The following IQCH variants were observed in gnomAD, a reference collection of about 807,000 sequenced individuals.
The protein encoded by IQCH is IQ domain-containing protein H.
A neutral mutation model predicts 117.0 loss-of-function variants in IQCH; 98 were observed. The observed-to-expected ratio is 0.84, with a 90% CI of 0.71 to 0.99. The LOEUF (loss-of-function observed/expected upper bound fraction) is 0.99. Ranked by LOEUF, IQCH falls within the 50% of genes least tolerant of loss-of-function variation. IQCH has a pLI of 0.00. For missense variants in IQCH, 1,102 were observed against 1,243.8 expected, an observed-to-expected ratio of 0.89 and a Z score of 1.72; for synonymous variants, 412 against 448.2, an observed-to-expected ratio of 0.92 and a Z score of 1.02.
intron 4 of IQCH, among the ~76,000 whole-genome samples, chr15:67,300,346 A>T (rs991260012): frequency 6.6e-6 from 1 of 152,120 alleles, no homozygotes; most frequent in African/African-American, 2.4e-5. Flanking sequence ...ACCATACATT[A>T]GTCATTTGAA....
chr15:67,274,128 G>A (rs978638061), intron 3 of IQCH, among the ~76,000 whole-genome samples: 2 of 152,130 alleles, frequency 1.3e-5, no homozygotes, highest in Non-Finnish European at 2.9e-5. Context: ...AGTTTGATTA[G>A]TATATGTTGG....
At chr15:67,373,806 A>G (rs1444872131) in intron 10 of IQCH, 1 of 325,838 alleles carries the variant, frequency 3.1e-6, no homozygotes, top group Non-Finnish European at 5.7e-6. Context: ...CCAATAAGCC[A>G]GGATATTGCT....
Position 67,393,318 on chromosome 15 carries a change from C to T in IQCH, c.1633-1973C>T, listed in dbSNP as rs1188380083. Among the ~76,000 whole-genome samples the T allele has an allele frequency of 3.3e-5, 5 of 152,176 alleles. No individual in the cohort carries two copies. Among genetic ancestry groups the T allele is most frequent in the Non-Finnish European group, 2.9e-5 (2 of 68,034 alleles). Reference sequence around the variant, plus strand: ...TTCTCCCATACTCAGGAGTTATACTCTCCGACAATTTGCAAACTGGTGCAT... The same window carrying T: ...TTCTCCCATACTCAGGAGTTATACTTTCCGACAATTTGCAAACTGGTGCAT... On this transcript the variant is annotated intron_variant, in intron 12 of 20. Transcript: ENST00000335894. This position sits in a 1 kb window ranked among gnomAD's most constrained non-coding sequence, Gnocchi z 5.5.
chr15:67,435,533 A>G (rs149040565), intron 16 of IQCH, among the ~76,000 whole-genome samples: 2 of 152,156 alleles, frequency 1.3e-5, no homozygotes, highest in African/African-American at 4.8e-5. Context: ...GCAGTGAGCC[A>G]AGACTGCACC....
chr15:67,395,225 A>G lies in IQCH; in HGVS notation c.1633-66A>G, dbSNP rs1971422570. 1 of 1,482,690 alleles carries G rather than the reference A, an allele frequency of 6.7e-7. No homozygotes were observed. The highest frequency in any genetic ancestry group is 9.2e-7 in the Non-Finnish European group (1 of 1,090,616). The allele number at this position is 1,482,690 out of a possible 1,614,324, so 91.8% of individuals were successfully genotyped here. A position where few individuals can be genotyped will look rare whatever the true frequency, so the allele number is the denominator to read the frequency against. Reference sequence around the variant, plus strand: ...TAATGTATTTATTATGTGCAACATTATAAATTAGGTGTATGGACTAGAAAA... The same window carrying G: ...TAATGTATTTATTATGTGCAACATTGTAAATTAGGTGTATGGACTAGAAAA... On this transcript the variant is annotated intron_variant, in intron 12 of 20. Coordinates refer to ENST00000335894, the MANE Select transcript of IQCH (RefSeq NM_001031715.3). This position sits in a 1 kb window ranked among gnomAD's most constrained non-coding sequence, Gnocchi z 4.0.
intron 16 of IQCH, among the ~76,000 whole-genome samples, chr15:67,444,924 C>T (rs1290057309): frequency 6.6e-6 from 1 of 152,162 alleles, no homozygotes; most frequent in Non-Finnish European, 1.5e-5. Context: ...CAAGAAGTGA[C>T]ACAAAAGCCT....
chr15:67,301,773 CAT>C (rs1263295799), intron 4 of IQCH, among the ~76,000 whole-genome samples: 8 of 151,964 alleles, frequency 5.3e-5, no homozygotes, highest in African/African-American at 1.9e-4. Context: ...GCAATTAAAT[CAT>C]GTGTGCTACA....
At chr15:67,442,518 A>G (rs1162961050) in intron 16 of IQCH, among the ~76,000 whole-genome samples, 2 of 152,166 alleles carry the variant, frequency 1.3e-5, no homozygotes, top group Non-Finnish European at 1.5e-5. Flanking sequence ...TAATCAAAAA[A>G]TCAAAAAACA....
rs542928773 is a variant in IQCH, at chr15:67,344,126, C to T, written c.572C>T (p.Pro191Leu). Residue 191 changes from proline (P) to leucine (L), a missense_variant, in exon 6 of 21, where the codon CCA becomes CTA. Pro to Leu is a moderately conservative substitution (Grantham distance 98). Coordinates refer to ENST00000335894, the MANE Select transcript of IQCH (RefSeq NM_001031715.3). ...PPTARITFQN[P>L]PITPRAAPLH... Reference sequence around the variant, plus strand: ...ACAGCAAGGATTACCTTTCAGAATCCACCCATTACACCCAGAGCAGCTCCT... The same window carrying T: ...ACAGCAAGGATTACCTTTCAGAATCTACCCATTACACCCAGAGCAGCTCCT... The T allele has an allele frequency of 3.7e-6, 6 of 1,613,348 alleles. No individual in the cohort carries two copies. In the South Asian group the frequency reaches 5.5e-5, roughly 15 times the overall value.
At position 67,436,877 on chromosome 15, in the gene IQCH, C is replaced by G. The variant is rs571535829; in HGVS notation, c.2505+15300C>G. On this transcript the variant is annotated intron_variant, in intron 16 of 20. Coordinates refer to ENST00000335894, the MANE Select transcript of IQCH (RefSeq NM_001031715.3). This position sits in a 1 kb window ranked among gnomAD's most constrained non-coding sequence, Gnocchi z 5.1. ...TGACCTGGGAACCTCACCCTCATCC[C>G]CCACAACAGCTGCAGCAAGATCTGC... is the stretch of plus-strand genomic sequence containing the variant. 6.6e-5 allele frequency among the ~76,000 whole-genome samples: 10 copies of G among 152,232 alleles called. No individual in the cohort carries two copies. The East Asian group carries it at 1.9e-3, about 29-fold the overall frequency.
chr15:67,461,891 T>C (rs1252549693), intron 16 of IQCH, among the ~76,000 whole-genome samples: 1 of 152,202 alleles, frequency 6.6e-6, no homozygotes, highest in African/African-American at 2.4e-5. Context: ...ATAGCTAACA[T>C]AGACAACGGA....
intron 16 of IQCH, among the ~76,000 whole-genome samples, chr15:67,435,931 C>T (rs1278889564): frequency 6.6e-6 from 1 of 151,634 alleles, no homozygotes; most frequent in African/African-American, 2.4e-5. Context: ...ATCTGGGGGT[C>T]TTTGCTATTG....
Position 67,395,006 on chromosome 15 carries a change from C to T in IQCH, c.1633-285C>T, listed in dbSNP as rs1265967605. Among the ~76,000 whole-genome samples, 3 of 152,080 alleles carry T rather than the reference C, an allele frequency of 2.0e-5. No individual in the cohort carries two copies. Among genetic ancestry groups the T allele is most frequent in the Non-Finnish European group, 4.4e-5 (3 of 68,010 alleles). ...CTTGCTATTACCCAAAGGCCGCCAG[C>T]CTCTTTTCCTTCTGACAGAAGGATA... On this transcript the variant is annotated intron_variant, in intron 12 of 20. Transcript: ENST00000335894. The surrounding 1 kb of genome is among the most constrained non-coding windows in gnomAD (Gnocchi z 4.0).
intron 4 of IQCH, among the ~76,000 whole-genome samples, chr15:67,288,017 C>T (rs551731083): frequency 6.6e-6 from 1 of 152,176 alleles, no homozygotes; most frequent in East Asian, 1.9e-4. Flanking sequence ...CATTCAGGAG[C>T]ATATTGTTTA....
chr15:67,323,830 A>T (rs931879547), intron 4 of IQCH, among the ~76,000 whole-genome samples: 5 of 151,990 alleles, frequency 3.3e-5, no homozygotes. Context: ...ATTGTCTTTG[A>T]GAGAAATTAA....
chr15:67,310,653 G>A (rs1297060607), intron 4 of IQCH, among the ~76,000 whole-genome samples: 1 of 152,064 alleles, frequency 6.6e-6, no homozygotes. Flanking sequence ...TGATAGTGTA[G>A]CATCACAGAT....
intron 16 of IQCH, among the ~76,000 whole-genome samples, chr15:67,444,081 T>TA (rs1382286633): frequency 6.8e-6 from 1 of 147,638 alleles, no homozygotes; most frequent in African/African-American, 2.6e-5. Flanking sequence ...TTTGTAAGTA[T>TA]CTCCCCCCAC....
At chr15:67,446,258 A>C (rs2082388745) in intron 16 of IQCH, among the ~76,000 whole-genome samples, 1 of 152,262 alleles carries the variant, frequency 6.6e-6, no homozygotes, top group Non-Finnish European at 1.5e-5. Flanking sequence ...TTTTCTACAA[A>C]TTGCCTCAAA....
In IQCH at chr15:67,479,984, T is replaced by G. The variant is rs2083302025; in HGVS notation, c.2799+4166T>G. On this transcript the variant is annotated intron_variant, in intron 18 of 20. Transcript: ENST00000335894. The surrounding 1 kb of genome is among the most constrained non-coding windows in gnomAD (Gnocchi z 4.6). ...TGGTGGGTCTCATTCCGGGTATTTC[T>G]CTAATGCTACAGAATACCCCCACTG... is the stretch of plus-strand genomic sequence containing the variant. Among the ~76,000 whole-genome samples the G allele has an allele frequency of 1.3e-5, 2 of 152,366 alleles. No homozygotes were observed. Among genetic ancestry groups the G allele is most frequent in the African/African-American group, 2.4e-5 (1 of 41,588 alleles).
Sources: gnomAD v4.1 joint callset for allele counts (sites outside exome capture counted in the v4.1 genomes callset) on GRCh38, gnomAD v4.1.1 for gene constraint, Gnocchi (gnomAD v3.1) non-coding constraint, MANE v1.5 for transcripts, NCBI Gene and HGNC (gene_info 2026-07-23, HGNC 2026-07-21) for gene names.